BLTP1: variants seen among roughly 807,000 people sequenced by gnomAD.
BLTP1 encodes bridge-like lipid transfer protein family member 1.
chr4:122,340,727 A>G, the BLTP1 span: 1 of 985,196 alleles, frequency 1.0e-6, no homozygotes, highest in Non-Finnish European at 1.2e-6. Context: ...TAGCTTCAAA[A>G]TATTGCTGTT....
the BLTP1 span, chr4:122,190,292 C>T: frequency 5.5e-5 from 30 of 542,356 alleles, no homozygotes; most frequent in Non-Finnish European, 6.8e-5. Flanking sequence ...GATGGTATTT[C>T]GCTATATTGC....
chr4:122,354,544 G>A, the BLTP1 span, among the ~76,000 whole-genome samples: 2 of 151,682 alleles, frequency 1.3e-5, no homozygotes, highest in Non-Finnish European at 2.9e-5. Flanking sequence ...TTATTTTGTG[G>A]TGCTTTTGGG....
the BLTP1 span, chr4:122,270,207 A>T: frequency 5.2e-6 from 1 of 193,208 alleles, no homozygotes; most frequent in Non-Finnish European, 9.5e-6. Flanking sequence ...GTATTCATTA[A>T]GGAATTATTG....
the BLTP1 span, among the ~76,000 whole-genome samples, chr4:122,180,289 T>G: frequency 6.6e-6 from 1 of 152,232 alleles, no homozygotes; most frequent in Non-Finnish European, 1.5e-5. Flanking sequence ...GTAGGATTGC[T>G]GTACAAAATA....
the BLTP1 span, chr4:122,208,344 A>G: frequency 3.1e-6 from 3 of 957,170 alleles, no homozygotes; most frequent in Non-Finnish European, 3.7e-6. Context: ...TTAGGGCTCC[A>G]TTCTTTTAAC....
At chr4:122,189,082 G>T in the BLTP1 span, 2 of 982,476 alleles carry the variant, frequency 2.0e-6, no homozygotes, top group Non-Finnish European at 2.4e-6. Flanking sequence ...GAATAAATCA[G>T]GATTTTTTTG....
the BLTP1 span, chr4:122,195,720 T>G: frequency 2.8e-6 from 2 of 718,504 alleles, no homozygotes; most frequent in African/African-American, 3.8e-5. Context: ...TATTCTTAAT[T>G]TTCTATATTT....
chr4:122,162,732 CA>C, the BLTP1 span: 1 of 736,594 alleles, frequency 1.4e-6, no homozygotes, highest in East Asian at 1.7e-4. Flanking sequence ...ATAACAACAA[CA>C]ACAAAAAAAA....
chr4:122,324,509 C>A, the BLTP1 span: 1 of 1,610,344 alleles, frequency 6.2e-7, no homozygotes, highest in African/African-American at 1.3e-5. Flanking sequence ...TCTGGAAGAC[C>A]ACCTCTTAAG....
the BLTP1 span, among the ~76,000 whole-genome samples, chr4:122,279,212 A>G: frequency 6.6e-6 from 1 of 152,172 alleles, no homozygotes; most frequent in African/African-American, 2.4e-5. Context: ...AGCTGAATCA[A>G]TTGAAGTTGT....
At chr4:122,159,811 T>A in the BLTP1 span, among the ~76,000 whole-genome samples, 2 of 152,186 alleles carry the variant, frequency 1.3e-5, no homozygotes, top group Non-Finnish European at 2.9e-5. Flanking sequence ...TCAAATCTGG[T>A]TTTAAAGCCT....
the BLTP1 span, among the ~76,000 whole-genome samples, chr4:122,357,738 T>C: frequency 1.3e-5 from 2 of 152,198 alleles, no homozygotes; most frequent in African/African-American, 2.4e-5. Context: ...GTTATGAATA[T>C]ACAATGGTAA....
At chr4:122,246,486 ATAG>A in the BLTP1 span, 8 of 570,944 alleles carry the variant, frequency 1.4e-5, no homozygotes, top group Non-Finnish European at 1.5e-5. Context: ...ATATTAGGTA[ATAG>A]TAGAATGTTC....
At chr4:122,308,316 A>G in the BLTP1 span, among the ~76,000 whole-genome samples, 2 of 152,102 alleles carry the variant, frequency 1.3e-5, no homozygotes, top group Non-Finnish European at 2.9e-5. Flanking sequence ...ACCATTACTC[A>G]TCTCAATGTA....
chr4:122,254,184 A>G, the BLTP1 span: 3 of 1,612,080 alleles, frequency 1.9e-6, no homozygotes, highest in Non-Finnish European at 2.5e-6. Flanking sequence ...TTGGCATTCT[A>G]TTTTATATAG....
At chr4:122,223,336 C>T in the BLTP1 span, among the ~76,000 whole-genome samples, 1 of 152,090 alleles carries the variant, frequency 6.6e-6, no homozygotes, top group Non-Finnish European at 1.5e-5. Context: ...ATGAAGAGGA[C>T]TACTGTAATA....
At chr4:122,183,349 A>AG in the BLTP1 span, 2 of 959,754 alleles carry the variant, frequency 2.1e-6, no homozygotes, top group Non-Finnish European at 2.5e-6. Flanking sequence ...AAAAAAAAAA[A>AG]AAGCTTAAAC....
chr4:122,200,681 C>T, the BLTP1 span: 32 of 984,626 alleles, frequency 3.2e-5, no homozygotes, highest in Non-Finnish European at 1.7e-5. Context: ...CTGAGCCTGT[C>T]ACTTAACAGA....
chr4:122,308,639 A>G, the BLTP1 span, among the ~76,000 whole-genome samples: 1 of 152,100 alleles, frequency 6.6e-6, no homozygotes, highest in African/African-American at 2.4e-5. Flanking sequence ...CACATAAACC[A>G]GGAATTTTCT....
Sources: allele counts gnomAD v4.1 joint callset (sites outside exome capture counted in the v4.1 genomes callset), GRCh38; gene constraint gnomAD v4.1.1; transcripts MANE v1.5; gene names NCBI Gene and HGNC (gene_info 2026-07-23, HGNC 2026-07-21).